Variants in MRPL30 observed in about 807,000 individuals in gnomAD.
The protein encoded by MRPL30 is mitochondrial ribosomal protein L30, also known as large ribosomal subunit protein uL30m.
MRPL30 carries 10 observed loss-of-function variants against 17.2 expected under a neutral mutation model. That is an observed-to-expected ratio of 0.58 (90% CI 0.36 to 0.99). The LOEUF (loss-of-function observed/expected upper bound fraction) is 0.99. Among genes scored for constraint, MRPL30 ranks in the 50% least tolerant of loss-of-function variants. The pLI is 0.01. For missense variants in MRPL30, 170 were observed against 189.8 expected (o/e 0.90, Z 0.61); for synonymous variants, 61 against 62.1 (o/e 0.98, Z 0.08).
At chr2:99,184,397 C>CATATATATACATGTAT (rs2093930645) in intron 1 of MRPL30, among the ~76,000 whole-genome samples, 1 of 152,110 alleles carries the variant, frequency 6.6e-6, no homozygotes, top group Non-Finnish European at 1.5e-5. Flanking sequence ...TGTATATATG[C>CATATATATACATGTAT]ATATCTGTAA....
rs1310236567 is a variant in MRPL30 at position 99,195,735 on chromosome 2, A to G, written c.*30A>G. On this transcript the variant is annotated 3_prime_UTR_variant, in exon 6 of 6. Coordinates refer to ENST00000338148, the MANE Select transcript of MRPL30 (RefSeq NM_145212.4). ...CCAGCAGCTTCCGATTGGAAAATGC[A>G]AATTGTTTTTATTTAAAGATGGTGA... The G allele has an allele frequency of 2.5e-6, 4 of 1,604,830 alleles. No homozygotes were observed. In the African/African-American group the frequency reaches 4.0e-5, roughly 16 times the overall value.
rs1415433306 is a variant in MRPL30 at position 99,199,437 on chromosome 2, G to A, written c.*3732G>A. 2.0e-5 allele frequency among the ~76,000 whole-genome samples: 3 copies of A among 152,080 alleles called. No individual in the cohort carries two copies. Among genetic ancestry groups the A allele is most frequent in the African/African-American group, 4.8e-5 (2 of 41,406 alleles). ...AATTCTTACCTTTATGTATTAGAATGGCAATCAATGAACAAACTGAAAATG... is the reference window on the plus strand; with the variant it reads ...AATTCTTACCTTTATGTATTAGAATAGCAATCAATGAACAAACTGAAAATG... On this transcript the variant is annotated 3_prime_UTR_variant, in exon 6 of 6. Coordinates refer to ENST00000338148, the MANE Select transcript of MRPL30 (RefSeq NM_145212.4).
At chr2:99,191,044 G>T (rs939739806) in intron 3 of MRPL30, among the ~76,000 whole-genome samples, 1 of 147,930 alleles carries the variant, frequency 6.8e-6, no homozygotes, top group Non-Finnish European at 1.5e-5. Context: ...GTCTCGCTCT[G>T]TCTCCAGGCT....
intron 3 of MRPL30, 142 bp downstream of exon 3, chr2:99,188,399 G>T: frequency 1.5e-6 from 1 of 648,328 alleles, no homozygotes; most frequent in Non-Finnish European, 2.7e-6. Flanking sequence ...AGCATAGTGG[G>T]ATTTATGTGA....
In MRPL30 at chr2:99,196,204, C is replaced by G. The variant is rs571725153; in HGVS notation, c.*499C>G. On this transcript the variant is annotated 3_prime_UTR_variant, in exon 6 of 6. Transcript: ENST00000338148. ...GTCCTTTCCCTTTCACTGTTTCACT[C>G]CAAAACATGTAAGAATGGCAATGTT... is the stretch of plus-strand genomic sequence containing the variant. 1 of 156,682 alleles carries G rather than the reference C, an allele frequency of 6.4e-6. No individual in the cohort carries two copies. Among genetic ancestry groups the G allele is most frequent in the East Asian group, 1.9e-4 (1 of 5,198 alleles). The allele number at this position is 156,682 out of a possible 1,614,324, so 9.7% of individuals were successfully genotyped here.
rs2105251411 is a variant in MRPL30, at chr2:99,197,181, A to T, written c.*1476A>T. 6.6e-6 allele frequency: 1 copy of T among 152,220 alleles called. No homozygotes were observed. Among genetic ancestry groups the T allele is most frequent in the Non-Finnish European group, 1.5e-5 (1 of 68,016 alleles). 9.4% of individuals were successfully genotyped at this position (152,220 alleles called of 1,614,324 possible). A position where few individuals can be genotyped will look rare whatever the true frequency, so the allele number is the denominator to read the frequency against. The stretch of plus-strand genomic sequence containing the variant: ...ACCTGGAGGGGTGGGGAGAAGTAAG[A>T]ATTGTAAGGGAGGTTCAGTAGTGGG... On this transcript the variant is annotated 3_prime_UTR_variant, in exon 6 of 6. Transcript: ENST00000338148.
intron 2 of MRPL30, among the ~76,000 whole-genome samples, chr2:99,187,822 C>G (rs950269003): frequency 3.3e-5 from 5 of 150,240 alleles, no homozygotes; most frequent in African/African-American, 9.8e-5. Context: ...AGCGAGACTC[C>G]GTCTCAAAAA....
chr2:99,198,748 C>A lies in MRPL30; in HGVS notation c.*3043C>A, dbSNP rs551671395. ...CAAAACCCTATAAGGGTTTGTTCCT[C>A]GGTCTTGACTTTGTGTCTTTGAGGA... On this transcript the variant is annotated 3_prime_UTR_variant, in exon 6 of 6. Transcript: ENST00000338148. 1.3e-5 allele frequency among the ~76,000 whole-genome samples: 2 copies of A among 152,246 alleles called. No homozygotes were observed. Among genetic ancestry groups the A allele is most frequent in the South Asian group, 2.1e-4 (1 of 4,822 alleles).
chr2:99,189,890 A>G (rs1238205723), intron 3 of MRPL30, among the ~76,000 whole-genome samples: 1 of 152,072 alleles, frequency 6.6e-6, no homozygotes, highest in African/African-American at 2.4e-5. Flanking sequence ...TCATCTTGCA[A>G]AACTGAAACT....
intron 1 of MRPL30, among the ~76,000 whole-genome samples, chr2:99,185,101 G>A (rs6708878): frequency 0.51 from 77,254 of 151,898 alleles, 21,554 homozygotes; most frequent in Middle Eastern, 0.7. Context: ...TCATAGGAGC[G>A]TGAACGCTAC....
intron 3 of MRPL30, among the ~76,000 whole-genome samples, chr2:99,192,968 T>C (rs2105248007): frequency 6.6e-6 from 1 of 152,244 alleles, no homozygotes; most frequent in South Asian, 2.1e-4. Flanking sequence ...AAAGCCAAAA[T>C]TGACAAATGG....
At position 99,188,233 on chromosome 2, in the gene MRPL30, C is replaced by T; in HGVS notation, c.108C>T (p.Phe36=). The change falls in exon 3 of 6, where the codon TTC becomes TTT. Residue 36 remains phenylalanine, a synonymous_variant. Coordinates refer to ENST00000338148, the MANE Select transcript of MRPL30 (RefSeq NM_145212.4). ...LICTDWIRHK[F]TRSRIPEKVF... ...GTACAGATTGGATTCGTCACAAATT[C>T]ACCAGATCAAGAATTCCAGAAAAAG... 1 of 1,607,772 alleles carries T rather than the reference C, an allele frequency of 6.2e-7. No homozygotes were observed. The highest frequency in any genetic ancestry group is 8.5e-7 in the Non-Finnish European group (1 of 1,177,852).
At chr2:99,188,430 ACTGTT>A in intron 3 of MRPL30, among the ~76,000 whole-genome samples, 173 bp downstream of exon 3, 2 of 152,228 alleles carry the variant, frequency 1.3e-5, no homozygotes, top group Middle Eastern at 6.8e-3. Flanking sequence ...TAAAAATAAA[ACTGTT>A]CTGTCACTTG....
rs2093957954 is a variant in MRPL30 at position 99,198,110 on chromosome 2, A to C, written c.*2405A>C. ...ATTTAGAAATAAAAGTGTCTACAAGAAGAAAAGTCTTTAGTGAAAATATGG... is the reference window on the plus strand; with the variant it reads ...ATTTAGAAATAAAAGTGTCTACAAGCAGAAAAGTCTTTAGTGAAAATATGG... On this transcript the variant is annotated 3_prime_UTR_variant, in exon 6 of 6. Coordinates refer to ENST00000338148, the MANE Select transcript of MRPL30 (RefSeq NM_145212.4). 1.3e-5 allele frequency among the ~76,000 whole-genome samples: 2 copies of C among 152,232 alleles called. No homozygotes were observed. The highest frequency in any genetic ancestry group is 4.1e-4 in the South Asian group (2 of 4,832).
rs2093954557 is a variant in MRPL30, at chr2:99,195,943, A to G, written c.*238A>G. On this transcript the variant is annotated 3_prime_UTR_variant, in exon 6 of 6. Coordinates refer to ENST00000338148, the MANE Select transcript of MRPL30 (RefSeq NM_145212.4). ...ACTGAAAATACAGAATTAGCCAGGC[A>G]TGGTGGCACATGCCTGTAACCCAGC... 2 of 375,378 alleles carry G rather than the reference A, an allele frequency of 5.3e-6. No homozygotes were observed. Among genetic ancestry groups the G allele is most frequent in the Non-Finnish European group, 9.6e-6 (2 of 209,132 alleles). The allele number at this position is 375,378 out of a possible 1,614,324, so 23.3% of individuals were successfully genotyped here.
Position 99,198,514 on chromosome 2 carries a change from C to A in MRPL30, c.*2809C>A, listed in dbSNP as rs1294225348. Reference sequence around the variant, plus strand: ...TGCCTCGTGTCACCTTTTTTGCATTCCATTCATTAAGAACAAGTTGCAGTT... The same window carrying A: ...TGCCTCGTGTCACCTTTTTTGCATTACATTCATTAAGAACAAGTTGCAGTT... On this transcript the variant is annotated 3_prime_UTR_variant, in exon 6 of 6. Coordinates refer to ENST00000338148, the MANE Select transcript of MRPL30 (RefSeq NM_145212.4). Among the ~76,000 whole-genome samples, 1 of 152,086 alleles carries A rather than the reference C, an allele frequency of 6.6e-6. No individual in the cohort carries two copies. The highest frequency in any genetic ancestry group is 1.5e-5 in the Non-Finnish European group (1 of 68,004).
chr2:99,187,368 G>A (rs2093935708), intron 2 of MRPL30, among the ~76,000 whole-genome samples: 1 of 152,220 alleles, frequency 6.6e-6, no homozygotes, highest in Admixed American at 6.5e-5. Context: ...TGATGACATT[G>A]TTAGAACTAG....
chr2:99,190,150 C>G (rs921003071), intron 3 of MRPL30, among the ~76,000 whole-genome samples: 1 of 151,562 alleles, frequency 6.6e-6, no homozygotes, highest in South Asian at 2.1e-4. Flanking sequence ...TAGTAACTCC[C>G]CATTTTCCCC....
rs540394246 is a variant in MRPL30 at position 99,195,363 on chromosome 2, GT to G, written c.353+177del. 4.0e-5 allele frequency: 29 copies of G among 722,520 alleles called. No individual in the cohort carries two copies. The East Asian group carries it at 7.8e-4, about 19-fold the overall frequency. The allele number at this position is 722,520 out of a possible 1,614,324, so 44.8% of individuals were successfully genotyped here. ...ACATATTTATGGGGTACATAGTGAC[GT>G]TTCAATATATATAAAGTATAGTGAT... is the stretch of plus-strand genomic sequence containing the variant. On this transcript the variant is annotated intron_variant, in intron 5 of 5. Coordinates refer to ENST00000338148, the MANE Select transcript of MRPL30 (RefSeq NM_145212.4).
Sources: gnomAD v4.1 joint callset for allele counts (sites outside exome capture counted in the v4.1 genomes callset) on GRCh38, gnomAD v4.1.1 for gene constraint, MANE v1.5 for transcripts, NCBI Gene and HGNC (gene_info 2026-07-23, HGNC 2026-07-21) for gene names.